The following TLK1 variants were observed in gnomAD, a reference collection of about 807,000 sequenced individuals.
The protein encoded by TLK1 is tousled like kinase 1.
A neutral mutation model predicts 105.3 loss-of-function variants in TLK1; 24 were observed. The ratio of observed to expected loss-of-function variants is 0.23; its 90% CI spans 0.17 to 0.32. The LOEUF is 0.32. Among genes scored for constraint, TLK1 ranks in the 10% least tolerant of loss-of-function variants. The pLI is 1.00. For synonymous variants in TLK1, 321 were observed against 310.4 expected (o/e 1.03, Z -0.36); for missense variants, 558 against 910.5 (o/e 0.61, Z 4.98).
intron 1 of TLK1, among the ~76,000 whole-genome samples, chr2:171,204,044 ACT>A (rs1174512922): frequency 6.6e-6 from 1 of 151,838 alleles, no homozygotes; most frequent in African/African-American, 2.4e-5. Context: ...ACAGAGAGAG[ACT>A]CTGTCTCAGA....
chr2:171,106,166 C>G (rs12477649), intron 2 of TLK1, among the ~76,000 whole-genome samples: 70,508 of 151,966 alleles, frequency 0.46, 18,274 homozygotes, highest in African/African-American at 0.71. Context: ...TGTAAGTAGA[C>G]AGCAGAATAG....
chr2:171,178,684 C>T (rs1216071478), intron 1 of TLK1, among the ~76,000 whole-genome samples: 3 of 152,134 alleles, frequency 2.0e-5, no homozygotes, highest in Non-Finnish European at 4.4e-5. Flanking sequence ...TACAGGGAAG[C>T]GTAAGATTTT....
upstream of TLK1, among the ~76,000 whole-genome samples, chr2:171,161,072 A>G (rs1228665078): frequency 6.8e-6 from 1 of 147,348 alleles, no homozygotes; most frequent in East Asian, 2.0e-4. Context: ...CGAGCGCGCG[A>G]GGGAAGAGAC....
At chr2:171,103,237 G>C (rs1319852005) in intron 2 of TLK1, among the ~76,000 whole-genome samples, 6 of 140,698 alleles carry the variant, frequency 4.3e-5, no homozygotes, top group South Asian at 2.1e-4. Flanking sequence ...GGAAGGTTCT[G>C]AGTTAAGAAA....
intron 2 of TLK1, among the ~76,000 whole-genome samples, chr2:171,095,712 A>C (rs1212378937): frequency 1.3e-5 from 2 of 152,230 alleles, no homozygotes; most frequent in African/African-American, 2.4e-5. Context: ...ACACCACATT[A>C]ACAGAATGAA....
At chr2:171,115,665 C>T (rs1227846608) in intron 2 of TLK1, among the ~76,000 whole-genome samples, 1 of 152,162 alleles carries the variant, frequency 6.6e-6, no homozygotes, top group East Asian at 1.9e-4. Context: ...CATGTCTAGA[C>T]TCTGAAGCTG....
chr2:171,019,084 T>C (rs1685348763), intron 12 of TLK1, among the ~76,000 whole-genome samples: 1 of 151,778 alleles, frequency 6.6e-6, no homozygotes. Flanking sequence ...TTTAAGTAAC[T>C]TGCAAAAAAC....
At chr2:171,017,663 T>C (rs1685273734) in intron 12 of TLK1, among the ~76,000 whole-genome samples, 1 of 152,228 alleles carries the variant, frequency 6.6e-6, no homozygotes, top group South Asian at 2.1e-4. Context: ...GCAAGCTTTT[T>C]TTATTTTGCC....
intron 11 of TLK1, among the ~76,000 whole-genome samples, chr2:171,040,568 G>GTTT (rs59971440): frequency 2.9e-5 from 3 of 104,286 alleles, no homozygotes; most frequent in African/African-American, 1.0e-4. Flanking sequence ...TTCCTTTTTT[G>GTTT]TTTTTTTTTT....
At chr2:170,996,605 G>A in intron 20 of TLK1, 48 bp downstream of exon 20, 1 of 1,495,214 alleles carries the variant, frequency 6.7e-7, no homozygotes, top group East Asian at 2.3e-5. Context: ...CAGCACAACT[G>A]ATGAAAGAAA....
rs781265091 is a variant in TLK1, at chr2:171,117,690, C to T, written c.258+49G>A. The T allele has an allele frequency of 7.7e-6, 11 of 1,426,704 alleles. No homozygotes were observed. The East Asian group carries it at 2.3e-4, about 30-fold the overall frequency. The allele number at this position is 1,426,704 out of a possible 1,614,324, so 88.4% of individuals were successfully genotyped here. ...GAATCCTTTACATACTATTTTAGAT[C>T]ATTTAATAGAAAGAAAGACTGTCAA... On this transcript the variant is annotated intron_variant, in intron 2 of 20. Coordinates refer to ENST00000431350, the MANE Select transcript of TLK1 (RefSeq NM_012290.5).
chr2:171,010,056 T>C (rs1684833665), intron 14 of TLK1, among the ~76,000 whole-genome samples: 1 of 152,182 alleles, frequency 6.6e-6, no homozygotes, highest in South Asian at 2.1e-4. Context: ...TTCACTCTAG[T>C]TGCAGTGTAC....
At chr2:171,097,008 A>C (rs1689481158) in intron 2 of TLK1, among the ~76,000 whole-genome samples, 1 of 152,242 alleles carries the variant, frequency 6.6e-6, no homozygotes, top group Non-Finnish European at 1.5e-5. Flanking sequence ...ACCTCAAAAG[A>C]ACCCAAAGAG....
chr2:171,149,933 A>G (rs1020975935), intron 1 of TLK1, among the ~76,000 whole-genome samples: 2 of 152,154 alleles, frequency 1.3e-5, no homozygotes, highest in African/African-American at 4.8e-5. Context: ...AAAAAGAAAG[A>G]AAGAAAGAAC....
chr2:171,028,154 T>C (rs112010001), intron 12 of TLK1, among the ~76,000 whole-genome samples, 185 bp downstream of exon 12: 3,720 of 152,192 alleles, frequency 0.024, 170 homozygotes, highest in African/African-American at 0.083. Flanking sequence ...TGAGACTGTT[T>C]CAAAAAATAA....
intron 2 of TLK1, among the ~76,000 whole-genome samples, chr2:171,098,272 T>C (rs2105500726): frequency 6.6e-6 from 1 of 152,254 alleles, no homozygotes; most frequent in Admixed American, 6.5e-5. Flanking sequence ...CAAAAAAAAC[T>C]ACATGAGGTG....
chr2:171,126,728 A>T (rs1690881931), intron 1 of TLK1, among the ~76,000 whole-genome samples: 1 of 152,026 alleles, frequency 6.6e-6, no homozygotes, highest in African/African-American at 2.4e-5. Context: ...CCTGAAGTCT[A>T]AAAATATTTT....
intron 2 of TLK1, among the ~76,000 whole-genome samples, chr2:171,114,893 C>T (rs1690343221): frequency 6.6e-6 from 1 of 152,020 alleles, no homozygotes; most frequent in South Asian, 2.1e-4. Flanking sequence ...TGATCCTCCC[C>T]TTGAGCCTCC....
At chr2:171,151,074 T>C (rs185551602) in intron 1 of TLK1, among the ~76,000 whole-genome samples, 280 of 151,560 alleles carry the variant, frequency 1.8e-3, no homozygotes, top group Non-Finnish European at 3.0e-3. Flanking sequence ...CTGGCTGGAG[T>C]GTAGTGGCGT....
Sources: allele counts gnomAD v4.1 joint callset (sites outside exome capture counted in the v4.1 genomes callset), GRCh38; gene constraint gnomAD v4.1.1; transcripts MANE v1.5; gene names NCBI Gene and HGNC (gene_info 2026-07-23, HGNC 2026-07-21).